The following ADAMTS12 variants were observed in gnomAD, a reference collection of about 807,000 sequenced individuals.
The protein encoded by ADAMTS12 is A disintegrin and metalloproteinase with thrombospondin motifs 12.
In ADAMTS12, 118 loss-of-function variants were observed where a neutral mutation model predicts 167.8. The ratio of observed to expected loss-of-function variants is 0.70; its 90% CI spans 0.61 to 0.82. ADAMTS12 has a LOEUF of 0.82. Ranked by LOEUF, ADAMTS12 falls within the 40% of genes least tolerant of loss-of-function variation. ADAMTS12 has a pLI of 0.00. For missense variants in ADAMTS12, 1,916 were observed against 1,998.8 expected, an observed-to-expected ratio of 0.96 and a Z score of 0.79; for synonymous variants, 704 against 716.9, an observed-to-expected ratio of 0.98 and a Z score of 0.29.
rs542702509 is a variant in ADAMTS12, at chr5:33,761,761, A to G, written c.490-10213T>C. Among the ~76,000 whole-genome samples, 5 of 152,346 alleles carry G rather than the reference A, an allele frequency of 3.3e-5. No homozygotes were observed. The South Asian group carries it at 8.3e-4, about 25-fold the overall frequency. On this transcript the variant is annotated intron_variant, in intron 2 of 23. Coordinates refer to ENST00000504830, the MANE Select transcript of ADAMTS12 (RefSeq NM_030955.4). ...TCCCCCACTACCCTATAAGGAGAAT[A>G]GGTCTGAGTAACTGTAGTATTTTTT...
chr5:33,801,843 C>T (rs1227672913), intron 2 of ADAMTS12, among the ~76,000 whole-genome samples: 1 of 152,140 alleles, frequency 6.6e-6, no homozygotes, highest in Non-Finnish European at 1.5e-5. Context: ...CTTTGTGATC[C>T]CAGTGCCAAA....
intron 2 of ADAMTS12, among the ~76,000 whole-genome samples, chr5:33,825,116 C>T (rs192925754): frequency 6.6e-6 from 1 of 152,286 alleles, no homozygotes; most frequent in African/African-American, 2.4e-5. Flanking sequence ...TAATAGAGTT[C>T]CCGGGAAAAC....
At chr5:33,703,541 T>TAAC (rs988989836) in intron 3 of ADAMTS12, among the ~76,000 whole-genome samples, 1 of 152,178 alleles carries the variant, frequency 6.6e-6, no homozygotes, top group African/African-American at 2.4e-5. Flanking sequence ...ACTCTTTGAC[T>TAAC]AACACCTCCC....
chr5:33,626,548 A>C (rs1739623351), intron 13 of ADAMTS12, among the ~76,000 whole-genome samples: 1 of 138,928 alleles, frequency 7.2e-6, no homozygotes, highest in South Asian at 2.4e-4. Flanking sequence ...AATGGTAATG[A>C]TGGTGGTGGT....
intron 2 of ADAMTS12, among the ~76,000 whole-genome samples, chr5:33,803,567 G>A (rs1258545549): frequency 6.6e-6 from 1 of 152,180 alleles, no homozygotes; most frequent in African/African-American, 2.4e-5. Context: ...TATGATTCAT[G>A]GGAGGTCAGA....
At position 33,702,719 on chromosome 5, in the gene ADAMTS12, G is replaced by A. The variant is rs142854379; in HGVS notation, c.635-18664C>T. Among the ~76,000 whole-genome samples the A allele has an allele frequency of 7.9e-5, 12 of 152,188 alleles. No homozygotes were observed. The East Asian group carries it at 1.9e-3, about 25-fold the overall frequency. ...GCATTTTTTTTCATTGACAAAACCT[G>A]ACCTTTTATTAAACATTCCTTTAGA... On this transcript the variant is annotated intron_variant, in intron 3 of 23. Transcript: ENST00000504830.
intron 21 of ADAMTS12, among the ~76,000 whole-genome samples, chr5:33,547,919 G>A (rs916042186): frequency 1.3e-5 from 2 of 152,158 alleles, no homozygotes; most frequent in East Asian, 1.9e-4. Flanking sequence ...GGAGGTCTGG[G>A]TTCAGAGCCT....
chr5:33,858,735 G>A (rs549796136), intron 2 of ADAMTS12, among the ~76,000 whole-genome samples: 1 of 152,056 alleles, frequency 6.6e-6, no homozygotes, highest in East Asian at 1.9e-4. Flanking sequence ...GGCCAAATAG[G>A]AATGGCTCTG....
chr5:33,526,199 A>T lies in ADAMTS12; in HGVS notation c.*989T>A, dbSNP rs1050062255. 3.3e-5 allele frequency: 5 copies of T among 152,160 alleles called. No homozygotes were observed. The highest frequency in any genetic ancestry group is 5.9e-5 in the Non-Finnish European group (4 of 68,062). The allele number at this position is 152,160 out of a possible 1,614,324, so 9.4% of individuals were successfully genotyped here. A position where few individuals can be genotyped will look rare whatever the true frequency, so the allele number is the denominator to read the frequency against. Reference sequence around the variant, plus strand: ...AACCTCCATTTTCCAACCTGAGAAGAGGTGAGGACAGGTGGCAGCCCTAGA... The same window carrying T: ...AACCTCCATTTTCCAACCTGAGAAGTGGTGAGGACAGGTGGCAGCCCTAGA... On this transcript the variant is annotated 3_prime_UTR_variant, in exon 24 of 24. Transcript: ENST00000504830.
At chr5:33,781,961 G>A (rs1218738522) in intron 2 of ADAMTS12, among the ~76,000 whole-genome samples, 3 of 151,750 alleles carry the variant, frequency 2.0e-5, no homozygotes, top group Admixed American at 6.6e-5. Flanking sequence ...TTGTTCTTGC[G>A]ATAGTGTAAA....
chr5:33,671,968 AACTCACAT>A (rs1219975974), intron 5 of ADAMTS12, among the ~76,000 whole-genome samples: 1 of 136,186 alleles, frequency 7.3e-6, no homozygotes, highest in Admixed American at 7.2e-5. Flanking sequence ...ATACACATCA[AACTCACAT>A]ACTCACATAC....
chr5:33,852,275 C>G (rs935581897), intron 2 of ADAMTS12, among the ~76,000 whole-genome samples: 1 of 152,082 alleles, frequency 6.6e-6, no homozygotes, highest in African/African-American at 2.4e-5. Flanking sequence ...CAGTGGTAAA[C>G]TTTTAAAAAG....
Position 33,891,874 on chromosome 5 carries a change from G to A in ADAMTS12, c.-18C>T. The A allele has an allele frequency of 6.2e-7, 1 of 1,605,804 alleles. No individual in the cohort carries two copies. The highest frequency in any genetic ancestry group is 8.5e-7 in the Non-Finnish European group (1 of 1,176,918). On this transcript the variant is annotated 5_prime_UTR_variant, in exon 1 of 24. Coordinates refer to ENST00000504830, the MANE Select transcript of ADAMTS12 (RefSeq NM_030955.4). ...CATGGCATGATTCAGATGTTGAGGA[G>A]AAGAAAAGTCAAAAAAGTTTTAGCC...
intron 2 of ADAMTS12, among the ~76,000 whole-genome samples, chr5:33,825,618 A>T (rs575059061): frequency 3.3e-5 from 5 of 152,222 alleles, no homozygotes; most frequent in Non-Finnish European, 7.3e-5. Context: ...TGATCAAGGT[A>T]GTGCTTTAAA....
chr5:33,789,812 C>A (rs1428741419), intron 2 of ADAMTS12, among the ~76,000 whole-genome samples: 3 of 152,174 alleles, frequency 2.0e-5, no homozygotes, highest in Admixed American at 2.0e-4. Context: ...TCGTTCTTGG[C>A]ATGGAAGCGC....
Position 33,643,409 on chromosome 5 carries a change from G to T in ADAMTS12, c.1541C>A (p.Ala514Asp). The T allele has an allele frequency of 6.2e-7, 1 of 1,614,138 alleles. No homozygotes were observed. Among genetic ancestry groups the T allele is most frequent in the Non-Finnish European group, 8.5e-7 (1 of 1,179,984 alleles). ...KGFCRSKLDA[A>D]ADGTQCGEKK... ...CTCACCACATTGAGTTCCATCTGCAGCAGCGTCCAGCTTAGAGCGACAAAA... is the reference window on the plus strand; with the variant it reads ...CTCACCACATTGAGTTCCATCTGCATCAGCGTCCAGCTTAGAGCGACAAAA... Residue 514 changes from alanine (A) to aspartate (D), a missense_variant, in exon 10 of 24, where the codon GCT becomes GAT. By Grantham distance (126) the Ala-to-Asp change is moderately radical (BLOSUM62 -2). Coordinates refer to ENST00000504830, the MANE Select transcript of ADAMTS12 (RefSeq NM_030955.4).
chr5:33,878,490 G>T (rs547763413), intron 2 of ADAMTS12, among the ~76,000 whole-genome samples: 1 of 152,204 alleles, frequency 6.6e-6, no homozygotes, highest in African/African-American at 2.4e-5. Flanking sequence ...CCTGCTCCTT[G>T]GGGACATTTG....
chr5:33,584,540 T>G (rs1747236949), intron 18 of ADAMTS12, among the ~76,000 whole-genome samples: 1 of 152,220 alleles, frequency 6.6e-6, no homozygotes, highest in African/African-American at 2.4e-5. Context: ...TACGACTGAT[T>G]GAACAAGGTT....
chr5:33,879,363 T>C (rs1580013833), intron 2 of ADAMTS12, among the ~76,000 whole-genome samples: 1 of 152,170 alleles, frequency 6.6e-6, no homozygotes, highest in Admixed American at 6.5e-5. Flanking sequence ...TCATGTTTAA[T>C]GAGCAGGATA....
Sources: allele counts gnomAD v4.1 joint callset (sites outside exome capture counted in the v4.1 genomes callset), GRCh38; gene constraint gnomAD v4.1.1; transcripts MANE v1.5; gene names NCBI Gene and HGNC (gene_info 2026-07-23, HGNC 2026-07-21).